The following CDC42BPG variants were observed in gnomAD, a reference collection of about 807,000 sequenced individuals.
CDC42BPG encodes the protein CDC42 binding protein kinase gamma.
A neutral mutation model predicts 192.2 loss-of-function variants in CDC42BPG; 157 were observed. That is an observed-to-expected ratio of 0.82 (90% CI 0.72 to 0.93). CDC42BPG has a LOEUF of 0.93. CDC42BPG is among the 40% of genes least tolerant of loss of function. The pLI is 0.00. For synonymous variants in CDC42BPG, 981 were observed against 918.5 expected (o/e 1.07, Z -1.23); for missense variants, 1,992 against 2,122.1 (o/e 0.94, Z 1.20).
Position 64,830,016 on chromosome 11 carries a change from C to T in CDC42BPG, c.3422G>A (p.Ser1141Asn), listed in dbSNP as rs778495549. Residue 1141 changes from serine (S) to asparagine (N), a missense_variant, in exon 30 of 37, where the codon AGT becomes AAT. Physicochemically the swap from Ser to Asn is conservative, Grantham distance 46. Transcript: ENST00000342711. ...RRVQQLTLSP[S>N]AGLLVVLCGR... Reference sequence around the variant, plus strand: ...ACACAGCACGACCAGCAGGCCTGCACTGGGGCTCAAGGTCAGCTGCTGCAC... The same window carrying T: ...ACACAGCACGACCAGCAGGCCTGCATTGGGGCTCAAGGTCAGCTGCTGCAC... 3.7e-6 allele frequency: 6 copies of T among 1,612,354 alleles called. No individual in the cohort carries two copies. Among genetic ancestry groups the T allele is most frequent in the Non-Finnish European group, 5.1e-6 (6 of 1,179,380 alleles).
chr11:64,826,758 C>G lies in CDC42BPG; in HGVS notation c.4426G>C (p.Gly1476Arg). The G allele has an allele frequency of 6.5e-7, 1 of 1,531,534 alleles. No homozygotes were observed. The highest frequency in any genetic ancestry group is 8.8e-7 in the Non-Finnish European group (1 of 1,140,346). The allele number at this position is 1,531,534 out of a possible 1,614,324, so 94.9% of individuals were successfully genotyped here. The change falls in exon 35 of 37, where the codon GGC becomes CGC. Residue 1476 changes from glycine to arginine, a missense_variant. Transcript: ENST00000342711. Reference sequence around the variant, plus strand: ...GAGAAGCTGTGGGGCCGCTGTGGGCCGGAGCCGCGGGCAACTCGGCCCTTC... The same window carrying G: ...GAGAAGCTGTGGGGCCGCTGTGGGCGGGAGCCGCGGGCAACTCGGCCCTTC... ...EEKGRVARGSGPQRPHSFSEA... is the reference protein window; with the variant it reads ...EEKGRVARGSRPQRPHSFSEA...
rs1031039792 is a variant in CDC42BPG at position 64,827,262 on chromosome 11, C to T, written c.4271+16G>A. Reference sequence around the variant, plus strand: ...CGGCCCCACCCAGCCTCAGCCCCCGCGTCGTGCACGCGCACCTGCGCTGCT... The same window carrying T: ...CGGCCCCACCCAGCCTCAGCCCCCGTGTCGTGCACGCGCACCTGCGCTGCT... On this transcript the variant is annotated intron_variant, in intron 33 of 36. Coordinates refer to ENST00000342711, the MANE Select transcript of CDC42BPG (RefSeq NM_017525.3). 2.1e-5 allele frequency: 34 copies of T among 1,613,260 alleles called. No homozygotes were observed. Among genetic ancestry groups the T allele is most frequent in the Non-Finnish European group, 2.9e-5 (34 of 1,179,720 alleles).
intron 13 of CDC42BPG, 30 bp from the exon 14 acceptor site, chr11:64,835,881 C>T: frequency 6.3e-7 from 1 of 1,579,822 alleles, no homozygotes; most frequent in Non-Finnish European, 8.6e-7. Flanking sequence ...AGGCCACTGC[C>T]AACTCTGCCC....
rs747125782 is a variant in CDC42BPG at position 64,826,596 on chromosome 11, A to G, written c.4514-41T>C. 5 of 1,583,940 alleles carry G rather than the reference A, an allele frequency of 3.2e-6. No individual in the cohort carries two copies. The Admixed American group carries it at 7.1e-5, about 22-fold the overall frequency. On this transcript the variant is annotated intron_variant, in intron 35 of 36. Coordinates refer to ENST00000342711, the MANE Select transcript of CDC42BPG (RefSeq NM_017525.3). ...ACGAGGAGACAAAAATACCAAGATC[A>G]GATTTCAGGGATCCAAAGGGGGTAG...
rs760392229 is a variant in CDC42BPG, at chr11:64,827,190, T to C, written c.4272-23A>G. The C allele has an allele frequency of 2.5e-6, 4 of 1,612,460 alleles. No homozygotes were observed. The African/African-American group carries it at 5.3e-5, about 22-fold the overall frequency. ...TCCCTGTGGGCGGAGGTGTAAGTAG[T>C]GGGTGGCGAAGCTCCACCCTCCCTT... On this transcript the variant is annotated intron_variant, in intron 33 of 36. Transcript: ENST00000342711.
At chr11:64,836,038 C>T in intron 13 of CDC42BPG, 79 bp downstream of exon 13, 3 of 1,461,830 alleles carry the variant, frequency 2.1e-6, no homozygotes, top group South Asian at 1.3e-5. Context: ...GCAGCATCTC[C>T]CACCAAGCTC....
chr11:64,830,762 G>T (rs1235916972), intron 28 of CDC42BPG, among the ~76,000 whole-genome samples: 2 of 152,166 alleles, frequency 1.3e-5, no homozygotes, highest in African/African-American at 4.8e-5. Context: ...AGTTACAGAA[G>T]AGCCCTGCTG....
At chr11:64,836,014 G>C (rs1749375639) in intron 13 of CDC42BPG, 103 bp downstream of exon 13, 1 of 1,398,198 alleles carries the variant, frequency 7.2e-7, no homozygotes, top group African/African-American at 1.4e-5. Flanking sequence ...GCCTCTGCCA[G>C]CTACAACCGG....
intron 9 of CDC42BPG, 64 bp downstream of exon 9, chr11:64,838,019 G>A (rs995236980): frequency 1.1e-5 from 15 of 1,393,480 alleles, no homozygotes; most frequent in East Asian, 2.5e-5. Context: ...TGGGCTACGC[G>A]CCCAGTGTCC....
Position 64,830,073 on chromosome 11 carries a change from G to C in CDC42BPG, c.3368-3C>G, listed in dbSNP as rs756492550. ...GCACTCCCCCACCTGGAAGATGTCT[G>C]CAGGGTTGGCGAGGGGAGAGTGTCA... On this transcript the variant is annotated splice_polypyrimidine_tract_variant and splice_region_variant and intron_variant, in intron 29 of 36. Coordinates refer to ENST00000342711, the MANE Select transcript of CDC42BPG (RefSeq NM_017525.3). 1 of 1,612,670 alleles carries C rather than the reference G, an allele frequency of 6.2e-7. No individual in the cohort carries two copies. Among genetic ancestry groups the C allele is most frequent in the Non-Finnish European group, 8.5e-7 (1 of 1,179,534 alleles).
rs774250368 is a variant in CDC42BPG, at chr11:64,835,114, G to A, written c.1993C>T (p.Arg665Trp). Residue 665 changes from arginine to tryptophan, a missense_variant, in exon 17 of 37, where the codon CGG (arginine) becomes TGG (tryptophan). Around this residue, in one of 2 missense-constraint regions of CDC42BPG, gnomAD observed 1,656 missense variants for 1,844.3 expected, o/e 0.90. Transcript: ENST00000342711. ...ELAQEQESKQ[R>W]LEGERRETES... ...GTCTCCCGCCGCTCACCCTCCAGCCGCTGCTTGCTCTCCTGCTCCTGGGCC... is the reference window on the plus strand; with the variant it reads ...GTCTCCCGCCGCTCACCCTCCAGCCACTGCTTGCTCTCCTGCTCCTGGGCC... 10 of 1,475,052 alleles carry A rather than the reference G, an allele frequency of 6.8e-6. No homozygotes were observed. The highest frequency in any genetic ancestry group is 3.4e-5 in the South Asian group (3 of 89,314). 91.4% of individuals were successfully genotyped at this position (1,475,052 alleles called of 1,614,324 possible).
At position 64,838,768 on chromosome 11, in the gene CDC42BPG, G is replaced by A. The variant is rs143681347; in HGVS notation, c.1011C>T (p.Phe337=). The A allele has an allele frequency of 8.0e-5, 129 of 1,612,978 alleles. No homozygotes were observed. In the African/African-American group the frequency reaches 1.4e-3, roughly 17 times the overall value. ...GLDDFRNHPF[F]EGVDWERLAS... is the part of the protein sequence containing the mutation. ...CCAGCCGCTCCCAGTCCACGCCTTC[G>A]AAGAAAGGATGGTTCCGGAAGTCAT... is the stretch of plus-strand genomic sequence containing the variant. The change falls in exon 8 of 37, where the codon TTC becomes TTT. Residue 337 remains phenylalanine, a synonymous_variant. Coordinates refer to ENST00000342711, the MANE Select transcript of CDC42BPG (RefSeq NM_017525.3).
chr11:64,836,993 G>A lies in CDC42BPG; in HGVS notation c.1232C>T (p.Ala411Val). ...GAGCTTCCGCTCCAGGGCAGCCCAA[G>A]CCTCAGAGCTGCTCTCAGGACTGTG... is the stretch of plus-strand genomic sequence containing the variant. ...GSHSPESSSE[A>V]WAALERKLQC... Residue 411 changes from alanine to valine, a missense_variant, in exon 10 of 37, where the codon GCT becomes GTT. Physicochemically the swap from Ala to Val is moderately conservative, Grantham distance 64. Transcript: ENST00000342711. 6.2e-7 allele frequency: 1 copy of A among 1,613,554 alleles called. No individual in the cohort carries two copies. Among genetic ancestry groups the A allele is most frequent in the Non-Finnish European group, 8.5e-7 (1 of 1,179,922 alleles).
chr11:64,834,451 C>A lies in CDC42BPG; in HGVS notation c.2302G>T (p.Glu768Ter), dbSNP rs1217476868. ...GLQERLTQVQ[E>*]AQLQAERRLQ... ...CACCGCTCAGCCTGCAGCTGGGCCT[C>A]CTGCACCTGTGTCAGCCGCTCCTGC... Residue 768 changes from glutamate (E) to a stop codon, truncating the protein, a stop_gained, in exon 19 of 37, where the codon GAG (glutamate) becomes TAG (stop). Coordinates refer to ENST00000342711, the MANE Select transcript of CDC42BPG (RefSeq NM_017525.3). LOFTEE classifies it high-confidence loss of function. 7 of 1,569,654 alleles carry A rather than the reference C, an allele frequency of 4.5e-6. No individual in the cohort carries two copies. The highest frequency in any genetic ancestry group is 6.0e-6 in the Non-Finnish European group (7 of 1,158,628).
intron 1 of CDC42BPG, among the ~76,000 whole-genome samples, chr11:64,843,339 C>T (rs559096146): frequency 6.6e-6 from 1 of 151,894 alleles, no homozygotes; most frequent in Admixed American, 6.5e-5. Context: ...GTGTGGGTGT[C>T]ATGGGGGGGG....
At chr11:64,843,304 CAT>C (rs1369008276) in intron 1 of CDC42BPG, among the ~76,000 whole-genome samples, 9 of 152,192 alleles carry the variant, frequency 5.9e-5, no homozygotes, top group East Asian at 1.9e-4. Flanking sequence ...GAGGAGCACA[CAT>C]GTGTGTGCAA....
chr11:64,837,373 G>A (rs569878968), intron 9 of CDC42BPG, among the ~76,000 whole-genome samples: 26 of 152,308 alleles, frequency 1.7e-4, no homozygotes, highest in African/African-American at 6.0e-4. Flanking sequence ...AGAGGAGTGG[G>A]GATCTGACCC....
chr11:64,827,069 C>A lies in CDC42BPG; in HGVS notation c.4370G>T (p.Gly1457Val), dbSNP rs1015886714. ...ACTAACCGGGGACTTGTCCCTGGCG[C>A]CGGGCCGCCCGTTGGCAGGGCCCAC... ...VHVGPANGRP[G>V]ARDKSPAPEE... The change falls in exon 34 of 37, where the codon GGC becomes GTC. Residue 1457 changes from glycine to valine, a missense_variant. Gly to Val is a moderately radical substitution (Grantham distance 109). This residue lies in a region of CDC42BPG where 336 missense variants were observed against 277.9 expected (regional missense o/e 1.21). Transcript: ENST00000342711. The A allele has an allele frequency of 1.9e-6, 3 of 1,612,414 alleles. No homozygotes were observed. The South Asian group carries it at 3.3e-5, about 18-fold the overall frequency.
rs2136445808 is a variant in CDC42BPG, at chr11:64,844,589, C to A, written c.-20G>T. On this transcript the variant is annotated 5_prime_UTR_variant, in exon 1 of 37. Coordinates refer to ENST00000342711, the MANE Select transcript of CDC42BPG (RefSeq NM_017525.3). ...CTCCATGGCTGCGGCCGGAGCCTCGCTGCTCGGCTACAGTCTGGCCGCCCG... is the reference window on the plus strand; with the variant it reads ...CTCCATGGCTGCGGCCGGAGCCTCGATGCTCGGCTACAGTCTGGCCGCCCG... The A allele has an allele frequency of 7.9e-7, 1 of 1,258,354 alleles. No homozygotes were observed. 77.9% of individuals were successfully genotyped at this position (1,258,354 alleles called of 1,614,324 possible).
Sources: allele counts gnomAD v4.1 joint callset (sites outside exome capture counted in the v4.1 genomes callset), GRCh38; gene constraint gnomAD v4.1.1; regional missense constraint gnomAD v4.1.1; transcripts MANE v1.5; gene names NCBI Gene and HGNC (gene_info 2026-07-23, HGNC 2026-07-21).